TMX4: variants seen among roughly 807,000 people sequenced by gnomAD.
The protein encoded by TMX4 is thioredoxin related transmembrane protein 4.
TMX4 carries 23 observed loss-of-function variants against 33.3 expected under a neutral mutation model. The observed-to-expected ratio is 0.69, with a 90% CI of 0.50 to 0.98. The LOEUF (loss-of-function observed/expected upper bound fraction) is 0.98, where lower values mean the gene tolerates loss of function less well. TMX4 is among the 50% of genes least tolerant of loss of function. TMX4 has a pLI of 0.00. For synonymous variants in TMX4, 164 were observed against 161.5 expected, an observed-to-expected ratio of 1.02 and a Z score of -0.12; for missense variants, 399 against 448.9, an observed-to-expected ratio of 0.89 and a Z score of 1.01.
chr20:8,007,537 A>G (rs1424868641), intron 2 of TMX4, among the ~76,000 whole-genome samples: 1 of 152,192 alleles, frequency 6.6e-6, no homozygotes, highest in Non-Finnish European at 1.5e-5. Flanking sequence ...GTAGCTCCCT[A>G]TCATACTTTG....
intron 5 of TMX4, among the ~76,000 whole-genome samples, chr20:7,992,922 A>G (rs114349964): frequency 0.011 from 1,633 of 152,310 alleles, 20 homozygotes; most frequent in Middle Eastern, 0.027. Flanking sequence ...AGTTATAGAA[A>G]AAACGTTTTT....
chr20:8,002,627 CA>C (rs1201296343), intron 2 of TMX4, among the ~76,000 whole-genome samples: 3 of 152,146 alleles, frequency 2.0e-5, no homozygotes, highest in Non-Finnish European at 4.4e-5. Flanking sequence ...ACAATGTGGA[CA>C]AAATCAAATA....
rs2050674178 is a variant in TMX4 at position 7,995,904 on chromosome 20, G to T, written c.513+122C>A. 6.0e-6 allele frequency: 5 copies of T among 839,798 alleles called. No individual in the cohort carries two copies. In the South Asian group the frequency reaches 7.4e-5, roughly 12 times the overall value. The allele number at this position is 839,798 out of a possible 1,614,324, so 52.0% of individuals were successfully genotyped here. A position where few individuals can be genotyped will look rare whatever the true frequency, so the allele number is the denominator to read the frequency against. On this transcript the variant is annotated intron_variant, in intron 5 of 7. Transcript: ENST00000246024. Reference sequence around the variant, plus strand: ...AACCCCACATGAGAGTAGTTGCATGGCTTAAGAAAAAAAGTGAAATTATAA... The same window carrying T: ...AACCCCACATGAGAGTAGTTGCATGTCTTAAGAAAAAAAGTGAAATTATAA...
At chr20:8,015,022 T>TTA (rs2050767782) in intron 1 of TMX4, among the ~76,000 whole-genome samples, 1 of 151,576 alleles carries the variant, frequency 6.6e-6, no homozygotes, top group East Asian at 1.9e-4. Flanking sequence ...TTTTTTTTTT[T>TTA]ATCTCCACTA....
chr20:8,005,682 A>G (rs2050726056), intron 2 of TMX4, among the ~76,000 whole-genome samples: 1 of 152,184 alleles, frequency 6.6e-6, no homozygotes, highest in South Asian at 2.1e-4. Flanking sequence ...AGACATCGGC[A>G]GAAGAACACA....
Position 7,983,827 on chromosome 20 carries a change from C to T in TMX4, c.646G>A (p.Val216Met). 1.2e-6 allele frequency: 2 copies of T among 1,613,402 alleles called. No homozygotes were observed. Among genetic ancestry groups the T allele is most frequent in the Non-Finnish European group, 1.7e-6 (2 of 1,179,780 alleles). Reference sequence around the variant, plus strand: ...TCAGATAAATGCCTTGGAAGTGGCACATAGAAACATTCTGATATTACCACC... The same window carrying T: ...TCAGATAAATGCCTTGGAAGTGGCATATAGAAACATTCTGATATTACCACC... ...VLVVISECFY[V>M]PLPRHLSERS... The change falls in exon 7 of 8, where the codon GTG (valine) becomes ATG (methionine). Residue 216 changes from valine (V) to methionine (M), a missense_variant. Transcript: ENST00000246024.
rs886432154 is a variant in TMX4 at position 7,979,219 on chromosome 20, C to T, written c.*3032G>A. 3.3e-5 allele frequency: 5 copies of T among 151,970 alleles called. No homozygotes were observed. Among genetic ancestry groups the T allele is most frequent in the African/African-American group, 1.2e-4 (5 of 41,372 alleles). The allele number at this position is 151,970 out of a possible 1,614,324, so 9.4% of individuals were successfully genotyped here. ...TAAATTATTTCAGGTTGGCTTTTCT[C>T]CTTTAGTTTTATATTCATTAAGTAT... On this transcript the variant is annotated 3_prime_UTR_variant, in exon 8 of 8. Coordinates refer to ENST00000246024, the MANE Select transcript of TMX4 (RefSeq NM_021156.4).
chr20:7,993,429 G>C (rs2050663398), intron 5 of TMX4, among the ~76,000 whole-genome samples: 1 of 152,186 alleles, frequency 6.6e-6, no homozygotes. Flanking sequence ...TAAAGGAAGA[G>C]TCAGCTAAAT....
At chr20:8,013,541 C>T (rs1419534833) in intron 1 of TMX4, among the ~76,000 whole-genome samples, 1 of 152,144 alleles carries the variant, frequency 6.6e-6, no homozygotes, top group Non-Finnish European at 1.5e-5. Context: ...CAAAATTCAA[C>T]AGCATGTTTT....
rs531496203 is a variant in TMX4 at position 7,984,389 on chromosome 20, G to T, written c.616-532C>A. Among the ~76,000 whole-genome samples, 129 of 152,284 alleles carry T rather than the reference G, an allele frequency of 8.5e-4. 2 individuals carry two copies. In the South Asian group the frequency reaches 0.025, roughly 30 times the overall value. On this transcript the variant is annotated intron_variant, in intron 6 of 7. Coordinates refer to ENST00000246024, the MANE Select transcript of TMX4 (RefSeq NM_021156.4). ...TAAGTTGGATCTCCATGGGGGTCTT[G>T]GATCCAGAGAAAGCCCTGAATGTCA...
At position 7,982,048 on chromosome 20, in the gene TMX4, G is replaced by A. The variant is rs2050608237; in HGVS notation, c.*203C>T. On this transcript the variant is annotated 3_prime_UTR_variant, in exon 8 of 8. Transcript: ENST00000246024. Reference sequence around the variant, plus strand: ...CCAAACAGATCCCAACACTACGTTTGTTTTTCTATATCCTGATTGTCACAC... The same window carrying A: ...CCAAACAGATCCCAACACTACGTTTATTTTTCTATATCCTGATTGTCACAC... 1.7e-6 allele frequency: 1 copy of A among 581,802 alleles called. No homozygotes were observed. Among genetic ancestry groups the A allele is most frequent in the East Asian group, 2.9e-5 (1 of 34,034 alleles). The allele number at this position is 581,802 out of a possible 1,614,324, so 36.0% of individuals were successfully genotyped here.
chr20:7,983,004 G>A (rs2050615719), intron 7 of TMX4, among the ~76,000 whole-genome samples: 1 of 152,174 alleles, frequency 6.6e-6, no homozygotes, highest in African/African-American at 2.4e-5. Context: ...AGGAGAAACA[G>A]CCTCTTTTTC....
At chr20:7,999,926 T>C (rs1044550405) in intron 3 of TMX4, 66 bp from the exon 4 acceptor site, 12 of 1,528,532 alleles carry the variant, frequency 7.9e-6, no homozygotes, top group Middle Eastern at 1.7e-4. Flanking sequence ...ATAATAAAAA[T>C]TAAAATAGCT....
intron 4 of TMX4, among the ~76,000 whole-genome samples, chr20:7,996,933 C>T (rs6055446): frequency 6.6e-6 from 1 of 152,104 alleles, no homozygotes; most frequent in African/African-American, 2.4e-5. Context: ...ACCCTCACCA[C>T]TACAGGAACA....
At chr20:8,005,681 CAGA>C (rs1016929797) in intron 2 of TMX4, among the ~76,000 whole-genome samples, 6 of 152,146 alleles carry the variant, frequency 3.9e-5, no homozygotes, top group Non-Finnish European at 5.9e-5. Context: ...AAGACATCGG[CAGA>C]AGAACACACA....
In TMX4 at chr20:8,019,586, G is replaced by C; in HGVS notation, c.28C>G (p.Leu10Val). ...ATCCAGGCGGCCAGGAGCGCCGTTAGCTGCGGGCCGCAGCGCCCACCCGCC... is the reference window on the plus strand; with the variant it reads ...ATCCAGGCGGCCAGGAGCGCCGTTACCTGCGGGCCGCAGCGCCCACCCGCC... MAGGRCGPQLTALLAAWIAA... is the reference protein window; with the variant it reads MAGGRCGPQVTALLAAWIAA... Residue 10 changes from leucine (L) to valine (V), a missense_variant, in exon 1 of 8, where the codon CTA becomes GTA. Physicochemically the swap from Leu to Val is conservative, Grantham distance 32. Transcript: ENST00000246024. 7.3e-7 allele frequency: 1 copy of C among 1,369,672 alleles called. No individual in the cohort carries two copies. Among genetic ancestry groups the C allele is most frequent in the East Asian group, 3.1e-5 (1 of 32,296 alleles). 84.8% of individuals were successfully genotyped at this position (1,369,672 alleles called of 1,614,324 possible). A position where few individuals can be genotyped will look rare whatever the true frequency, so the allele number is the denominator to read the frequency against.
chr20:7,990,068 G>A (rs1171644392), intron 5 of TMX4, among the ~76,000 whole-genome samples: 1 of 152,090 alleles, frequency 6.6e-6, no homozygotes, highest in African/African-American at 2.4e-5. Context: ...AGGCCGAGGC[G>A]GGTGAATCAC....
rs141394059 is a variant in TMX4, at chr20:8,017,354, A to G, written c.176+2084T>C. On this transcript the variant is annotated intron_variant, in intron 1 of 7. Transcript: ENST00000246024. The stretch of plus-strand genomic sequence containing the variant: ...TGTCTACACAGCTTACTTCCAGATT[A>G]CAAGACTCATCTGGCATCACAGGCC... Among the ~76,000 whole-genome samples the G allele has an allele frequency of 4.0e-3, 614 of 152,354 alleles. 6 individuals carry two copies. The highest frequency in any genetic ancestry group is 0.013 in the African/African-American group (541 of 41,582).
chr20:8,009,227 A>T (rs576170709), intron 2 of TMX4, among the ~76,000 whole-genome samples: 2 of 152,274 alleles, frequency 1.3e-5, no homozygotes, highest in South Asian at 4.1e-4. Context: ...AAAACTACAA[A>T]CACAAATTTA....
Sources: allele counts gnomAD v4.1 joint callset (sites outside exome capture counted in the v4.1 genomes callset), GRCh38; gene constraint gnomAD v4.1.1; transcripts MANE v1.5; gene names NCBI Gene and HGNC (gene_info 2026-07-23, HGNC 2026-07-21).